The following BRAP variants were observed in gnomAD, a reference collection of about 807,000 sequenced individuals.
BRAP encodes BRCA1 associated protein.
Under a neutral mutation model 73.4 loss-of-function variants are expected in BRAP, and 42 were observed. The observed-to-expected ratio is 0.57, with a 90% CI of 0.45 to 0.74. The LOEUF (loss-of-function observed/expected upper bound fraction) is 0.74, where lower values mean the gene tolerates loss of function less well. Among genes scored for constraint, BRAP ranks in the 30% least tolerant of loss-of-function variants. BRAP has a pLI of 0.00. For missense variants in BRAP, 593 were observed against 751.4 expected (o/e 0.79, Z 2.46); for synonymous variants, 255 against 267.4 (o/e 0.95, Z 0.45).
chr12:111,685,103 T>A (rs1358609581), intron 1 of BRAP, among the ~76,000 whole-genome samples: 1 of 152,194 alleles, frequency 6.6e-6, no homozygotes, highest in South Asian at 2.1e-4. Context: ...GCTCACTGAG[T>A]TAGAATCCCA....
At position 111,681,830 on chromosome 12, in the gene BRAP, GTTCATCT is replaced by G. The variant is rs746824200; in HGVS notation, c.245-2_249del. The G allele has an allele frequency of 3.7e-6, 6 of 1,608,210 alleles. No homozygotes were observed. Among genetic ancestry groups the G allele is most frequent in the Non-Finnish European group, 5.1e-6 (6 of 1,177,432 alleles). On this transcript the variant is annotated splice_acceptor_variant and coding_sequence_variant, in exon 3 of 12. Coordinates refer to ENST00000419234, the MANE Select transcript of BRAP (RefSeq NM_006768.5). LOFTEE classifies it high-confidence loss of function. ...TTCCTTTCTTCCACTGTAGTTTTTA[GTTCATCT>G]TTCACCAGTTAAAAAATAGCAGATT...
chr12:111,666,315 C>T (rs747434162), intron 5 of BRAP, among the ~76,000 whole-genome samples: 4 of 152,100 alleles, frequency 2.6e-5, no homozygotes, highest in Non-Finnish European at 5.9e-5. Flanking sequence ...TAAGTGTCTA[C>T]GACTATAATA....
chr12:111,685,677 G>C (rs372315598), intron 1 of BRAP, 34 bp downstream of exon 1: 1 of 1,588,692 alleles, frequency 6.3e-7, no homozygotes. Context: ...CCCAGACCCG[G>C]CTACAGGGAA....
In BRAP at chr12:111,654,715, G is replaced by T. The variant is rs534374765; in HGVS notation, c.1311+851C>A. On this transcript the variant is annotated intron_variant, in intron 10 of 11. Coordinates refer to ENST00000419234, the MANE Select transcript of BRAP (RefSeq NM_006768.5). Reference sequence around the variant, plus strand: ...CATGGCCCTGCCTGCTAAGCTCCAGGATATTCCTAGCCACCTCAGAGGTGG... The same window carrying T: ...CATGGCCCTGCCTGCTAAGCTCCAGTATATTCCTAGCCACCTCAGAGGTGG... Among the ~76,000 whole-genome samples the T allele has an allele frequency of 1.6e-3, 244 of 152,296 alleles. 7 individuals are homozygous for T. In the South Asian group the frequency reaches 0.047, roughly 29 times the overall value.
intron 9 of BRAP, 55 bp from the exon 10 acceptor site, chr12:111,655,710 A>G: frequency 7.2e-7 from 1 of 1,383,232 alleles, no homozygotes; most frequent in East Asian, 2.3e-5. Flanking sequence ...CAGCCTCTGA[A>G]ATCCAATTTA....
chr12:111,681,534 CTTAAAATACCCACT>C, intron 3 of BRAP, 89 bp downstream of exon 3: 2 of 912,328 alleles, frequency 2.2e-6, no homozygotes, highest in South Asian at 2.0e-5. Flanking sequence ...TATTTTGAAG[CTTAAAATACCCACT>C]TTCCTTCAGG....
intron 9 of BRAP, among the ~76,000 whole-genome samples, chr12:111,658,040 G>T (rs984817709): frequency 6.6e-6 from 1 of 151,442 alleles, no homozygotes; most frequent in Non-Finnish European, 1.5e-5. Context: ...CCAGGTTCAA[G>T]AAATTCTGGT....
chr12:111,683,542 C>CTTTATT (rs1219634196), intron 1 of BRAP, among the ~76,000 whole-genome samples: 1 of 151,972 alleles, frequency 6.6e-6, no homozygotes, highest in Non-Finnish European at 1.5e-5. Flanking sequence ...AAATCATGCA[C>CTTTATT]TTTATTTTTA....
At chr12:111,657,077 CTT>C (rs1184676308) in intron 9 of BRAP, among the ~76,000 whole-genome samples, 1 of 152,008 alleles carries the variant, frequency 6.6e-6, no homozygotes, top group African/African-American at 2.4e-5. Context: ...GAGTTTCGCT[CTT>C]GTCGCCCAGG....
chr12:111,658,208 G>C (rs575421060), intron 9 of BRAP, among the ~76,000 whole-genome samples: 4 of 152,052 alleles, frequency 2.6e-5, no homozygotes, highest in African/African-American at 9.6e-5. Flanking sequence ...GGGATTACAG[G>C]GGTGTGAGCC....
rs763534999 is a variant in BRAP, at chr12:111,672,766, C to T, written c.642G>A (p.Ala214=). 5.0e-6 allele frequency: 8 copies of T among 1,613,476 alleles called. No individual in the cohort carries two copies. The highest frequency in any genetic ancestry group is 1.7e-5 in the Admixed American group (1 of 59,970). The change falls in exon 5 of 12, where the codon GCG becomes GCA. Residue 214 remains alanine (A), a synonymous_variant. Transcript: ENST00000419234. ...VLIKFRAQAD[A]DSFYMTCNGR... is the part of the protein sequence containing the mutation. ...CATTGCATGTCATATAAAAACTATC[C>T]GCATCAGCCTATGTACACCAATGGG...
intron 11 of BRAP, among the ~76,000 whole-genome samples, chr12:111,644,823 C>T (rs1427768955): frequency 6.6e-6 from 1 of 152,120 alleles, no homozygotes; most frequent in African/African-American, 2.4e-5. Context: ...ATGGCACGAT[C>T]TCAGCTCACT....
intron 5 of BRAP, chr12:111,670,088 A>T: frequency 1.6e-6 from 1 of 627,184 alleles, no homozygotes; most frequent in South Asian, 1.4e-5. Flanking sequence ...CAAGAGTTGG[A>T]ACAGTTTCTT....
chr12:111,669,609 TA>T (rs1887091374), intron 5 of BRAP, among the ~76,000 whole-genome samples: 1 of 152,172 alleles, frequency 6.6e-6, no homozygotes, highest in African/African-American at 2.4e-5. Flanking sequence ...TTATTATCTG[TA>T]ACCTTTGGAA....
chr12:111,670,402 G>T (rs1887122394), intron 5 of BRAP: 3 of 364,174 alleles, frequency 8.2e-6, no homozygotes. Context: ...ATCAAATTTT[G>T]ATTTCACCTA....
chr12:111,673,892 C>T (rs1258798871), intron 4 of BRAP, among the ~76,000 whole-genome samples: 1 of 152,160 alleles, frequency 6.6e-6, no homozygotes, highest in Admixed American at 6.5e-5. Context: ...CTAGTCTAGC[C>T]TTAGTAGCAA....
intron 5 of BRAP, among the ~76,000 whole-genome samples, chr12:111,668,484 C>A (rs1020272317): frequency 1.3e-5 from 2 of 152,046 alleles, no homozygotes; most frequent in South Asian, 4.1e-4. Context: ...GAAATGCTTA[C>A]AGCAACTAGC....
At position 111,655,588 on chromosome 12, in the gene BRAP, A is replaced by G; in HGVS notation, c.1289T>C (p.Ile430Thr). ...TACTTCCTCTGCTGTGTCCTTCTCT[A>G]TCCGAACTATCTTGTTTTCCCAGTA... is the stretch of plus-strand genomic sequence containing the variant. Reference protein sequence around the residue: ...RIYWENKIVRIEKDTAEEINN... With the variant: ...RIYWENKIVRTEKDTAEEINN... The change falls in exon 10 of 12, where the codon ATA becomes ACA. Residue 430 changes from isoleucine (I) to threonine (T), a missense_variant. Around this residue, in one of 4 missense-constraint regions of BRAP, gnomAD observed 143 missense variants for 190.4 expected, o/e 0.75. Transcript: ENST00000419234. The G allele has an allele frequency of 6.2e-7, 1 of 1,613,578 alleles. No individual in the cohort carries two copies. The highest frequency in any genetic ancestry group is 8.5e-7 in the Non-Finnish European group (1 of 1,179,542).
At chr12:111,662,945 T>TA (rs76679225) in intron 6 of BRAP, among the ~76,000 whole-genome samples, 7,661 of 114,798 alleles carry the variant, frequency 0.067, 250 homozygotes, top group South Asian at 0.11. Context: ...AAAGCCCTTC[T>TA]AAAAAAAAAA....
Sources: allele counts gnomAD v4.1 joint callset (sites outside exome capture counted in the v4.1 genomes callset), GRCh38; gene constraint gnomAD v4.1.1; regional missense constraint gnomAD v4.1.1; transcripts MANE v1.5; gene names NCBI Gene and HGNC (gene_info 2026-07-23, HGNC 2026-07-21).